Variants in ATG7 observed in about 807,000 individuals in gnomAD.
The protein encoded by ATG7 is ubiquitin-like modifier-activating enzyme ATG7.
Under a neutral mutation model 82.4 loss-of-function variants are expected in ATG7, and 70 were observed. That is an observed-to-expected ratio of 0.85 (90% CI 0.70 to 1.04). The LOEUF is 1.04. Among genes scored for constraint, ATG7 ranks in the 50% least tolerant of loss-of-function variants. The probability of loss-of-function intolerance (pLI) is 0.00; values close to 1 mark genes in which losing one functional copy is unlikely to be tolerated. For missense variants in ATG7, 792 were observed against 864.3 expected, an observed-to-expected ratio of 0.92 and a Z score of 1.05; for synonymous variants, 287 against 313.0, an observed-to-expected ratio of 0.92 and a Z score of 0.88.
At chr3:11,361,760 G>A (rs2249051) in intron 16 of ATG7, among the ~76,000 whole-genome samples, 81,978 of 151,958 alleles carry the variant, frequency 0.54, 22,788 homozygotes, top group East Asian at 0.68. Flanking sequence ...GGTCAAGTGC[G>A]ACAGTGCTTT....
chr3:11,288,031 A>T (rs1471108644), intron 3 of ATG7, among the ~76,000 whole-genome samples: 2 of 152,206 alleles, frequency 1.3e-5, no homozygotes, highest in East Asian at 3.9e-4. Context: ...TTGTAAAAAA[A>T]ATAAAATACA....
chr3:11,516,400 A>G (rs546716179), intron 20 of ATG7, among the ~76,000 whole-genome samples: 1 of 152,242 alleles, frequency 6.6e-6, no homozygotes, highest in Non-Finnish European at 1.5e-5. Context: ...ACTAGATACC[A>G]TGTAAACACC....
chr3:11,474,563 A>G (rs1054412734), intron 20 of ATG7, among the ~76,000 whole-genome samples: 1 of 152,178 alleles, frequency 6.6e-6, no homozygotes, highest in East Asian at 1.9e-4. Flanking sequence ...TCATACCACT[A>G]TACTCCAACC....
intron 5 of ATG7, among the ~76,000 whole-genome samples, chr3:11,301,990 A>G (rs1269374772): frequency 1.3e-5 from 2 of 152,232 alleles, no homozygotes; most frequent in African/African-American, 4.8e-5. Context: ...GTTGAAGGAG[A>G]TAAGAAAATC....
At chr3:11,570,963 C>A in the ATG7 span, among the ~76,000 whole-genome samples, 1 of 152,178 alleles carries the variant, frequency 6.6e-6, no homozygotes, top group African/African-American at 2.4e-5. Flanking sequence ...GGTCAAGCTG[C>A]GTCACTCCTC....
At chr3:11,538,842 A>T (rs543480410) in intron 20 of ATG7, among the ~76,000 whole-genome samples, 63 of 148,874 alleles carry the variant, frequency 4.2e-4, no homozygotes, top group African/African-American at 1.5e-3. Flanking sequence ...GCCACTGCAC[A>T]CATACTGGGC....
intron 20 of ATG7, among the ~76,000 whole-genome samples, chr3:11,493,546 G>A (rs7427412): frequency 0.53 from 80,014 of 151,972 alleles, 22,042 homozygotes; most frequent in East Asian, 0.66. Flanking sequence ...TTCCACTGGG[G>A]ACCTGCCCCT....
chr3:11,460,211 A>G (rs879528875), intron 20 of ATG7, among the ~76,000 whole-genome samples: 1 of 152,220 alleles, frequency 6.6e-6, no homozygotes, highest in Non-Finnish European at 1.5e-5. Flanking sequence ...TGTTAAAGGA[A>G]CAATCTAGGC....
intron 19 of ATG7, among the ~76,000 whole-genome samples, chr3:11,412,137 G>C (rs1468850859): frequency 6.6e-6 from 1 of 151,940 alleles, no homozygotes; most frequent in African/African-American, 2.4e-5. Context: ...CCATCTCCCT[G>C]ACTGACTAAA....
chr3:11,464,110 G>A (rs1286994765), intron 20 of ATG7, among the ~76,000 whole-genome samples: 2 of 152,156 alleles, frequency 1.3e-5, no homozygotes, highest in Non-Finnish European at 2.9e-5. Flanking sequence ...AGTGGCTCAT[G>A]CCTATAATCC....
At chr3:11,388,507 C>T (rs1213212967) in intron 19 of ATG7, among the ~76,000 whole-genome samples, 1 of 151,544 alleles carries the variant, frequency 6.6e-6, no homozygotes, top group African/African-American at 2.4e-5. Context: ...CAGCTCACTG[C>T]AAGCTCCGCC....
downstream of ATG7, chr3:11,557,862 G>C (rs1056994): frequency 6.6e-6 from 1 of 152,220 alleles, no homozygotes; most frequent in East Asian, 1.9e-4. Flanking sequence ...GCAAGCACCT[G>C]AAATCTAGAG....
chr3:11,372,288 A>T (rs1575787352), intron 18 of ATG7, among the ~76,000 whole-genome samples: 1 of 151,150 alleles, frequency 6.6e-6, no homozygotes, highest in African/African-American at 2.4e-5. Context: ...CAAATATTGT[A>T]GAGCTAGTTT....
chr3:11,535,836 C>T (rs1260095180), intron 20 of ATG7, among the ~76,000 whole-genome samples: 1 of 152,214 alleles, frequency 6.6e-6, no homozygotes, highest in Non-Finnish European at 1.5e-5. Context: ...CGCACCCTTG[C>T]TTGAATGGTG....
intron 20 of ATG7, among the ~76,000 whole-genome samples, chr3:11,509,186 G>A (rs765477532): frequency 6.6e-6 from 1 of 152,076 alleles, no homozygotes; most frequent in South Asian, 2.1e-4. Context: ...ATGACGCAGC[G>A]CCACATGGCC....
intron 20 of ATG7, among the ~76,000 whole-genome samples, chr3:11,539,644 T>C (rs2070659446): frequency 6.6e-6 from 1 of 152,270 alleles, no homozygotes; most frequent in Non-Finnish European, 1.5e-5. Flanking sequence ...ACATTTTTGG[T>C]AATTATTGTA....
chr3:11,336,692 A>C (rs1952554717), intron 11 of ATG7, among the ~76,000 whole-genome samples: 1 of 152,074 alleles, frequency 6.6e-6, no homozygotes, highest in Non-Finnish European at 1.5e-5. Context: ...TTTTTGAGAC[A>C]GGGTCTTGAC....
At chr3:11,298,236 T>A (rs1339308801) in intron 3 of ATG7, among the ~76,000 whole-genome samples, 1 of 151,652 alleles carries the variant, frequency 6.6e-6, no homozygotes, top group Non-Finnish European at 1.5e-5. Context: ...ACAGGCCAAT[T>A]AGGATGGTTT....
intron 20 of ATG7, among the ~76,000 whole-genome samples, chr3:11,546,162 A>ATTTTTTTT (rs36042370): frequency 1.6e-4 from 11 of 68,894 alleles, no homozygotes; most frequent in African/African-American, 4.7e-4. Context: ...CCAAAACTGG[A>ATTTTTTTT]TTTTTTTTTT....
Sources: gnomAD v4.1 joint callset for allele counts (sites outside exome capture counted in the v4.1 genomes callset) on GRCh38, gnomAD v4.1.1 for gene constraint, MANE v1.5 for transcripts, NCBI Gene and HGNC (gene_info 2026-07-23, HGNC 2026-07-21) for gene names.